Variants in CDC5L observed in about 807,000 individuals in gnomAD.
CDC5L encodes cell division cycle 5-like protein.
A neutral mutation model predicts 104.1 loss-of-function variants in CDC5L; 18 were observed. That is an observed-to-expected ratio of 0.17 (90% CI 0.12 to 0.26). CDC5L has a LOEUF of 0.26. CDC5L is among the 10% of genes least tolerant of loss of function. The pLI is 1.00. For synonymous variants in CDC5L, 331 were observed against 322.7 expected (o/e 1.03, Z -0.28); for missense variants, 673 against 956.9 (o/e 0.70, Z 3.91).
chr6:44,437,888 ATG>A (rs1361470570), intron 14 of CDC5L, among the ~76,000 whole-genome samples: 2 of 152,206 alleles, frequency 1.3e-5, no homozygotes, highest in East Asian at 1.9e-4. Flanking sequence ...AGGTTTTGGA[ATG>A]TGTGTTTGAA....
chr6:44,402,395 A>T (rs1791172628), intron 5 of CDC5L, among the ~76,000 whole-genome samples: 1 of 152,144 alleles, frequency 6.6e-6, no homozygotes, highest in Non-Finnish European at 1.5e-5. Flanking sequence ...TCTTGATTTA[A>T]TGTTTATATA....
rs1234219072 is a variant in CDC5L, at chr6:44,414,432, A to ATT, written c.1093-5009_1093-5008dup. 1.8e-3 allele frequency among the ~76,000 whole-genome samples: 150 copies of ATT among 83,134 alleles called. 2 individuals are homozygous for ATT. Among genetic ancestry groups the ATT allele is most frequent in the African/African-American group, 6.6e-3 (143 of 21,832 alleles). The allele number at this position is 83,134 out of a possible 152,430, so 54.5% of individuals were successfully genotyped here. On this transcript the variant is annotated intron_variant, in intron 8 of 15. Coordinates refer to ENST00000371477, the MANE Select transcript of CDC5L (RefSeq NM_001253.4). ...TGTGTGTGTGTGTGTGTGTGTGTGT[A>ATT]TTTTTTTTTAGAAATAGCTATTCAT... is the stretch of plus-strand genomic sequence containing the variant.
intron 4 of CDC5L, among the ~76,000 whole-genome samples, chr6:44,395,123 G>C (rs1189968124): frequency 6.6e-6 from 1 of 152,138 alleles, no homozygotes; most frequent in Non-Finnish European, 1.5e-5. Context: ...ATGGTGTGTG[G>C]GTGGGAGAGC....
In CDC5L at chr6:44,408,480, G is replaced by GGCCAAGCGAGTGAAATTGCAC; in HGVS notation, c.942_962dup (p.Ala316_Gln322dup). ...AGAACTCCAGGAAGTTGTAAAAGTA[G>GGCCAAGCGAGTGAAATTGCAC]GCCAAGCGAGTGAAATTGCACGTCA... is the stretch of plus-strand genomic sequence containing the variant. On this transcript the variant is annotated inframe_insertion, in exon 8 of 16. Coordinates refer to ENST00000371477, the MANE Select transcript of CDC5L (RefSeq NM_001253.4). The GGCCAAGCGAGTGAAATTGCAC allele has an allele frequency of 6.2e-7, 1 of 1,613,692 alleles. No individual in the cohort carries two copies. Among genetic ancestry groups the GGCCAAGCGAGTGAAATTGCAC allele is most frequent in the Non-Finnish European group, 8.5e-7 (1 of 1,179,738 alleles).
chr6:44,429,943 G>C (rs148326264), intron 14 of CDC5L, 33 bp downstream of exon 14: 403 of 1,541,136 alleles, frequency 2.6e-4, no homozygotes, highest in Non-Finnish European at 3.2e-4. Flanking sequence ...AATTTTAAAT[G>C]TACTTTGATT....
At chr6:44,434,957 G>A (rs116055257) in intron 14 of CDC5L, among the ~76,000 whole-genome samples, 1,788 of 151,920 alleles carry the variant, frequency 0.012, 18 homozygotes, top group Middle Eastern at 0.054. Flanking sequence ...AACATTTCTA[G>A]GCGTCTTTCT....
rs116245817 is a variant in CDC5L, at chr6:44,444,203, A to G, written c.2092-1452A>G. On this transcript the variant is annotated intron_variant, in intron 14 of 15. Transcript: ENST00000371477. The stretch of plus-strand genomic sequence containing the variant: ...TGCTTGATTCTTCCACTCTTTCTAC[A>G]CTAAGCCATCTCTGTGGCAAATGCC... Among the ~76,000 whole-genome samples, 501 of 151,876 alleles carry G rather than the reference A, an allele frequency of 3.3e-3. 1 individual carries two copies. The highest frequency in any genetic ancestry group is 0.011 in the African/African-American group (475 of 41,398).
At chr6:44,412,599 AT>A in intron 8 of CDC5L, among the ~76,000 whole-genome samples, 1 of 83,044 alleles carries the variant, frequency 1.2e-5, no homozygotes, top group Middle Eastern at 6.1e-3. Context: ...ATTAAAAAAA[AT>A]AGTTTTTTTT....
At chr6:44,388,150 C>CCCT (rs1162999808) in intron 1 of CDC5L, among the ~76,000 whole-genome samples, 21 of 15,788 alleles carry the variant, frequency 1.3e-3, no homozygotes, top group Non-Finnish European at 8.2e-3. Context: ...TCCCACCCCG[C>CCCT]CCCCCCGCCC....
Position 44,408,648 on chromosome 6 carries a change from G to A in CDC5L, c.1092+16G>A. ...AATTCTGCAGGTAACGTGTCACGTA[G>A]TAGAATGAGGCTTTTACTTTGTTTA... On this transcript the variant is annotated intron_variant, in intron 8 of 15. Transcript: ENST00000371477. The A allele has an allele frequency of 6.4e-7, 1 of 1,557,080 alleles. No homozygotes were observed.
At chr6:44,414,901 A>G (rs915241656) in intron 8 of CDC5L, among the ~76,000 whole-genome samples, 6 of 151,986 alleles carry the variant, frequency 3.9e-5, no homozygotes, top group East Asian at 1.9e-4. Context: ...CTCAGATTTT[A>G]TAGTTTTAGT....
chr6:44,416,814 C>T (rs979101365), intron 8 of CDC5L, among the ~76,000 whole-genome samples: 1 of 152,160 alleles, frequency 6.6e-6, no homozygotes, highest in Non-Finnish European at 1.5e-5. Context: ...ACCCACTCTT[C>T]CAGGAATATA....
intron 7 of CDC5L, among the ~76,000 whole-genome samples, chr6:44,406,935 A>C (rs1791393122): frequency 1.3e-5 from 2 of 152,136 alleles, no homozygotes; most frequent in South Asian, 4.2e-4. Context: ...CAATAACAAA[A>C]AAAAACAAAA....
At chr6:44,422,040 A>C (rs1472457761) in intron 9 of CDC5L, among the ~76,000 whole-genome samples, 1 of 152,188 alleles carries the variant, frequency 6.6e-6, no homozygotes, top group Non-Finnish European at 1.5e-5. Context: ...AAAAAAAAAG[A>C]CTTTGAATAA....
Position 44,392,805 on chromosome 6 carries a change from C to T in CDC5L, c.288C>T (p.Cys96=), listed in dbSNP as rs773080124. ...TCATTGGAAGAACAGCGGCCCAGTG[C>T]TTAGAACACTATGAATTTCTTCTGT... is the stretch of plus-strand genomic sequence containing the variant. The part of the protein sequence containing the change: ...APIIGRTAAQ[C]LEHYEFLLDK... The change falls in exon 3 of 16, where the codon TGC becomes TGT. Residue 96 remains cysteine (C), a synonymous_variant. Transcript: ENST00000371477. The T allele has an allele frequency of 1.9e-6, 3 of 1,613,972 alleles. No homozygotes were observed. The highest frequency in any genetic ancestry group is 2.5e-6 in the Non-Finnish European group (3 of 1,179,908).
In CDC5L at chr6:44,408,514, A is replaced by C. The variant is rs1355708922; in HGVS notation, c.974A>C (p.Glu325Ala). The C allele has an allele frequency of 1.2e-6, 2 of 1,613,940 alleles. No homozygotes were observed. Among genetic ancestry groups the C allele is most frequent in the Admixed American group, 3.3e-5 (2 of 60,030 alleles). Residue 325 changes from glutamate (E) to alanine (A), a missense_variant, in exon 8 of 16, where the codon GAG (glutamate) becomes GCG (alanine). Around this residue, in one of 4 missense-constraint regions of CDC5L, gnomAD observed 578 missense variants for 737.0 expected, o/e 0.78. Coordinates refer to ENST00000371477, the MANE Select transcript of CDC5L (RefSeq NM_001253.4). ...AGTGAAATTGCACGTCAAACTGCCG[A>C]GGAATCTGGCATAACAAATTCTGCT... ...QASEIARQTA[E>A]ESGITNSASS...
At chr6:44,409,872 C>G (rs898994233) in intron 8 of CDC5L, among the ~76,000 whole-genome samples, 1 of 151,798 alleles carries the variant, frequency 6.6e-6, no homozygotes, top group African/African-American at 2.4e-5. Flanking sequence ...CTCCCTTGTT[C>G]AATGAAGAAT....
In CDC5L at chr6:44,437,207, C is replaced by T. The variant is rs979957453; in HGVS notation, c.2091+7297C>T. On this transcript the variant is annotated intron_variant, in intron 14 of 15. Transcript: ENST00000371477. ...TGGGCTGATTTAAGCTAGTCCTGTC[C>T]CTGTATGCATGTACATTTCATGCTT... Among the ~76,000 whole-genome samples, 6 of 152,124 alleles carry T rather than the reference C, an allele frequency of 3.9e-5. No individual in the cohort carries two copies. The East Asian group carries it at 1.2e-3, about 29-fold the overall frequency.
chr6:44,443,755 G>A lies in CDC5L; in HGVS notation c.2092-1900G>A, dbSNP rs114735421. ...GTTCTTGCATTGCTCTCTTGACCTC[G>A]GTGAGCATCTTTGTGACCATTATTT... On this transcript the variant is annotated intron_variant, in intron 14 of 15. Transcript: ENST00000371477. 3.8e-3 allele frequency among the ~76,000 whole-genome samples: 568 copies of A among 150,920 alleles called. 4 individuals carry two copies. Among genetic ancestry groups the A allele is most frequent in the African/African-American group, 0.013 (520 of 41,116 alleles).
Sources: gnomAD v4.1 joint callset for allele counts (sites outside exome capture counted in the v4.1 genomes callset) on GRCh38, gnomAD v4.1.1 for gene constraint, gnomAD v4.1.1 regional missense constraint, MANE v1.5 for transcripts, NCBI Gene and HGNC (gene_info 2026-07-23, HGNC 2026-07-21) for gene names.